The following UBE2H variants were observed in gnomAD, a reference collection of about 807,000 sequenced individuals.
The protein encoded by UBE2H is ubiquitin-conjugating enzyme E2 H.
Under a neutral mutation model 29.0 loss-of-function variants are expected in UBE2H, and 3 were observed. That is an observed-to-expected ratio of 0.10 (90% CI 0.05 to 0.27). UBE2H has a LOEUF of 0.27. UBE2H is among the 10% of genes least tolerant of loss of function. The pLI is 1.00. For synonymous variants in UBE2H, 69 were observed against 82.9 expected (o/e 0.83, Z 0.91); for missense variants, 68 against 228.2 (o/e 0.30, Z 4.52).
intron 1 of UBE2H, among the ~76,000 whole-genome samples, chr7:129,937,593 C>T (rs1222939784): frequency 2.0e-5 from 3 of 152,128 alleles, no homozygotes; most frequent in African/African-American, 7.2e-5. Flanking sequence ...AACAGCATGA[C>T]AAACAACACA....
At chr7:129,869,355 T>A (rs940853347) in intron 3 of UBE2H, among the ~76,000 whole-genome samples, 2 of 152,082 alleles carry the variant, frequency 1.3e-5, no homozygotes, top group African/African-American at 4.8e-5. Context: ...CAATCACAAA[T>A]TTAGACATCT....
chr7:129,925,520 C>T (rs540325163), intron 1 of UBE2H, among the ~76,000 whole-genome samples: 1 of 152,308 alleles, frequency 6.6e-6, no homozygotes, highest in Admixed American at 6.5e-5. Context: ...CTGTGAAAGA[C>T]ACTGTACGTG....
At chr7:129,881,011 T>A in intron 1 of UBE2H, 40 bp from the exon 2 acceptor site, 1 of 1,575,708 alleles carries the variant, frequency 6.3e-7, no homozygotes, top group Non-Finnish European at 8.6e-7. Flanking sequence ...GGCTTTACAG[T>A]ATCTGGCAGA....
intron 3 of UBE2H, among the ~76,000 whole-genome samples, chr7:129,878,147 C>T (rs1311720685): frequency 2.0e-5 from 3 of 152,142 alleles, no homozygotes; most frequent in Non-Finnish European, 1.5e-5. Flanking sequence ...CAGAAAAGCC[C>T]TCTCAAAAGG....
chr7:129,881,080 A>C lies in UBE2H; in HGVS notation c.54-109T>G. 3 of 796,302 alleles carry C rather than the reference A, an allele frequency of 3.8e-6. No individual in the cohort carries two copies. In the East Asian group the frequency reaches 8.4e-5, roughly 22 times the overall value. The allele number at this position is 796,302 out of a possible 1,614,324, so 49.3% of individuals were successfully genotyped here. ...AAGTGTTACCAAAATTTGGCATGACATTGATAAAATATACATAATAATTCT... is the reference window on the plus strand; with the variant it reads ...AAGTGTTACCAAAATTTGGCATGACCTTGATAAAATATACATAATAATTCT... On this transcript the variant is annotated intron_variant, in intron 1 of 6. Transcript: ENST00000355621.
Position 129,871,029 on chromosome 7 carries a change from C to G in UBE2H, c.205+8539G>C, listed in dbSNP as rs1233777357. 2.0e-5 allele frequency among the ~76,000 whole-genome samples: 3 copies of G among 152,186 alleles called. No individual in the cohort carries two copies. The East Asian group carries it at 5.8e-4, about 29-fold the overall frequency. Reference sequence around the variant, plus strand: ...CAGCTTAAATTTACTTTGTCAGACCCTTCCTGAATATCTGATCCAAGGTAC... The same window carrying G: ...CAGCTTAAATTTACTTTGTCAGACCGTTCCTGAATATCTGATCCAAGGTAC... On this transcript the variant is annotated intron_variant, in intron 3 of 6. Coordinates refer to ENST00000355621, the MANE Select transcript of UBE2H (RefSeq NM_003344.4).
chr7:129,939,515 A>G (rs1336614197), intron 1 of UBE2H, among the ~76,000 whole-genome samples: 1 of 152,220 alleles, frequency 6.6e-6, no homozygotes, highest in East Asian at 1.9e-4. Flanking sequence ...ATCCATCTAT[A>G]TATTACTCTT....
At position 129,879,419 on chromosome 7, in the gene UBE2H, C is replaced by A. The variant is rs1458743860; in HGVS notation, c.205+149G>T. 3.1e-5 allele frequency: 22 copies of A among 710,184 alleles called. No individual in the cohort carries two copies. In the Admixed American group the frequency reaches 5.4e-4, roughly 17 times the overall value. The allele number at this position is 710,184 out of a possible 1,614,324, so 44.0% of individuals were successfully genotyped here. ...TCTAACACACTATAGAAGTTCCCCCCAAAAGTCACTGATTAATTAACCAAA... is the reference window on the plus strand; with the variant it reads ...TCTAACACACTATAGAAGTTCCCCCAAAAAGTCACTGATTAATTAACCAAA... On this transcript the variant is annotated intron_variant, in intron 3 of 6. Transcript: ENST00000355621.
intron 1 of UBE2H, among the ~76,000 whole-genome samples, chr7:129,916,086 T>C (rs941941263): frequency 6.6e-6 from 1 of 152,222 alleles, no homozygotes; most frequent in Non-Finnish European, 1.5e-5. Context: ...AATTTTCAAA[T>C]AGCTCACATG....
At chr7:129,854,704 C>T (rs1009817996) in intron 5 of UBE2H, among the ~76,000 whole-genome samples, 1 of 152,208 alleles carries the variant, frequency 6.6e-6, no homozygotes, top group Admixed American at 6.5e-5. Flanking sequence ...AGCAATTTCA[C>T]TCCTAGGTAT....
chr7:129,841,029 A>G (rs1805419401), intron 5 of UBE2H, among the ~76,000 whole-genome samples: 2 of 152,194 alleles, frequency 1.3e-5, no homozygotes, highest in South Asian at 2.1e-4. Context: ...GCTAAACACC[A>G]CAATGCACAG....
At chr7:129,920,997 T>A (rs1807150446) in intron 1 of UBE2H, among the ~76,000 whole-genome samples, 1 of 14,456 alleles carries the variant, frequency 6.9e-5, no homozygotes, top group African/African-American at 8.6e-5. Context: ...ACTCTCTGCC[T>A]CTAAAAAAAA....
chr7:129,899,763 TAATC>T (rs1180865076), intron 1 of UBE2H, among the ~76,000 whole-genome samples: 1 of 152,186 alleles, frequency 6.6e-6, no homozygotes, highest in African/African-American at 2.4e-5. Context: ...CGGCATCACT[TAATC>T]AAACAACAAG....
rs138489287 is a variant in UBE2H at position 129,857,249 on chromosome 7, G to A, written c.298+262C>T. 962 of 469,782 alleles carry A rather than the reference G, an allele frequency of 2.0e-3. 2 individuals are homozygous for A. Among genetic ancestry groups the A allele is most frequent in the Middle Eastern group, 9.7e-3 (18 of 1,850 alleles). The allele number at this position is 469,782 out of a possible 1,614,324, so 29.1% of individuals were successfully genotyped here. ...TTTGCACATGTATTCATGTGTGTGCGCATGTACTCATGTGTGTGCACATGT... is the reference window on the plus strand; with the variant it reads ...TTTGCACATGTATTCATGTGTGTGCACATGTACTCATGTGTGTGCACATGT... On this transcript the variant is annotated intron_variant, in intron 5 of 6. Coordinates refer to ENST00000355621, the MANE Select transcript of UBE2H (RefSeq NM_003344.4).
At chr7:129,864,853 C>G (rs996654877) in intron 3 of UBE2H, among the ~76,000 whole-genome samples, 3 of 152,016 alleles carry the variant, frequency 2.0e-5, no homozygotes, top group Admixed American at 6.6e-5. Flanking sequence ...TGCCCGGCCA[C>G]TACCAGACAT....
intron 2 of UBE2H, among the ~76,000 whole-genome samples, chr7:129,880,102 A>G (rs962616616): frequency 1.3e-5 from 2 of 152,230 alleles, no homozygotes; most frequent in African/African-American, 4.8e-5. Context: ...TCAGCCCTCT[A>G]TATCTGCAGG....
At chr7:129,908,935 A>G (rs570535742) in intron 1 of UBE2H, among the ~76,000 whole-genome samples, 1 of 152,340 alleles carries the variant, frequency 6.6e-6, no homozygotes, top group Non-Finnish European at 1.5e-5. Context: ...TTTTGTTTCA[A>G]AAGTTCTTAA....
intron 1 of UBE2H, among the ~76,000 whole-genome samples, chr7:129,938,461 T>G (rs1807575304): frequency 8.8e-6 from 1 of 114,074 alleles, no homozygotes; most frequent in Non-Finnish European, 1.7e-5. Context: ...ATGCTTGCAA[T>G]CCCAGCACTT....
chr7:129,852,373 A>G (rs2116302762), intron 5 of UBE2H, among the ~76,000 whole-genome samples: 1 of 152,210 alleles, frequency 6.6e-6, no homozygotes, highest in Admixed American at 6.5e-5. Flanking sequence ...AGGCTGAGGC[A>G]GGAGAATGGC....
Sources: allele counts gnomAD v4.1 joint callset (sites outside exome capture counted in the v4.1 genomes callset), GRCh38; gene constraint gnomAD v4.1.1; transcripts MANE v1.5; gene names NCBI Gene and HGNC (gene_info 2026-07-23, HGNC 2026-07-21).